The following PHACTR3 variants were observed in gnomAD, a reference collection of about 807,000 sequenced individuals.
PHACTR3 encodes phosphatase and actin regulator 3.
In PHACTR3, 16 loss-of-function variants were observed where a neutral mutation model predicts 66.8. The observed-to-expected ratio is 0.24, with a 90% CI of 0.16 to 0.36. The LOEUF is 0.36. Among genes scored for constraint, PHACTR3 ranks in the 10% least tolerant of loss-of-function variants. PHACTR3 has a pLI of 1.00. For missense variants in PHACTR3, 647 were observed against 719.9 expected, an observed-to-expected ratio of 0.90 and a Z score of 1.16; for synonymous variants, 323 against 292.1, an observed-to-expected ratio of 1.11 and a Z score of -1.08.
chr20:59,616,956 C>T (rs1157240807), intron 1 of PHACTR3, among the ~76,000 whole-genome samples: 1 of 152,122 alleles, frequency 6.6e-6, no homozygotes, highest in Non-Finnish European at 1.5e-5. Context: ...TGGCTTTCCC[C>T]GCTCGCTTCC....
intron 1 of PHACTR3, among the ~76,000 whole-genome samples, chr20:59,671,334 G>A (rs1331515617): frequency 1.3e-5 from 2 of 152,194 alleles, no homozygotes; most frequent in Non-Finnish European, 2.9e-5. Context: ...GCTAGAGTAA[G>A]AGTCGGTTTC....
chr20:59,704,562 C>CTTTTTTTTTTT (rs11331156), intron 1 of PHACTR3, among the ~76,000 whole-genome samples: 4 of 89,474 alleles, frequency 4.5e-5, no homozygotes, highest in Non-Finnish European at 8.8e-5. Flanking sequence ...TGAGAATAGT[C>CTTTTTTTTTTT]TTTTTTTTTT....
At chr20:59,672,679 G>T (rs947985754) in intron 1 of PHACTR3, among the ~76,000 whole-genome samples, 1 of 152,220 alleles carries the variant, frequency 6.6e-6, no homozygotes, top group Admixed American at 6.5e-5. Context: ...TGACTCAGCG[G>T]TGTGGTTCTG....
chr20:59,739,894 G>A (rs1323769477), intron 1 of PHACTR3, among the ~76,000 whole-genome samples: 2 of 152,136 alleles, frequency 1.3e-5, no homozygotes, highest in Non-Finnish European at 1.5e-5. Context: ...GGCCTCTGGA[G>A]TCAGGGTGCT....
chr20:59,828,786 C>G (rs6128706), intron 8 of PHACTR3, among the ~76,000 whole-genome samples: 5,109 of 152,008 alleles, frequency 0.034, 208 homozygotes, highest in African/African-American at 0.1. Flanking sequence ...GGAGTTTGTC[C>G]TGAGGATGGT....
intron 8 of PHACTR3, among the ~76,000 whole-genome samples, chr20:59,827,730 G>A (rs1046311184): frequency 6.6e-6 from 1 of 152,198 alleles, no homozygotes; most frequent in African/African-American, 2.4e-5. Flanking sequence ...CTGCAGGGTG[G>A]GGTTGGGAGG....
intron 8 of PHACTR3, among the ~76,000 whole-genome samples, chr20:59,812,272 G>A (rs551066048): frequency 2.0e-5 from 3 of 152,364 alleles, no homozygotes; most frequent in Admixed American, 2.0e-4. Context: ...ACGTGTGTGA[G>A]AAGCTGATTA....
intron 7 of PHACTR3, among the ~76,000 whole-genome samples, chr20:59,800,281 A>G (rs2041372870): frequency 6.6e-6 from 1 of 152,132 alleles, no homozygotes. Flanking sequence ...TCAGGTTTCT[A>G]TTGGCTATCA....
intron 4 of PHACTR3, among the ~76,000 whole-genome samples, chr20:59,755,957 G>A (rs2039777854): frequency 6.6e-6 from 1 of 152,138 alleles, no homozygotes. Context: ...CTGTTAAATG[G>A]GAAAAGTAAT....
chr20:59,697,650 C>T (rs572967913), intron 1 of PHACTR3, among the ~76,000 whole-genome samples: 1 of 152,104 alleles, frequency 6.6e-6, no homozygotes, highest in South Asian at 2.1e-4. Flanking sequence ...CTAGACAGTG[C>T]ACAAGCTAAG....
intron 9 of PHACTR3, 37 bp from the exon 10 acceptor site, chr20:59,840,332 T>C: frequency 6.3e-7 from 1 of 1,597,810 alleles, no homozygotes; most frequent in Non-Finnish European, 8.5e-7. Context: ...CCTGTTTCTC[T>C]TTGTTATTTT....
At chr20:59,765,710 G>A (rs1244835040) in intron 4 of PHACTR3, among the ~76,000 whole-genome samples, 1 of 152,208 alleles carries the variant, frequency 6.6e-6, no homozygotes, top group Admixed American at 6.5e-5. Context: ...AATTAGGCCT[G>A]TTGTAACACC....
chr20:59,720,797 T>A (rs1338246467), intron 1 of PHACTR3, among the ~76,000 whole-genome samples: 2 of 152,260 alleles, frequency 1.3e-5, no homozygotes, highest in East Asian at 1.9e-4. Context: ...GCTGATTTTT[T>A]AATTTATCTT....
At chr20:59,579,707 T>C (rs1266679232) in intron 1 of PHACTR3, among the ~76,000 whole-genome samples, 1 of 152,240 alleles carries the variant, frequency 6.6e-6, no homozygotes, top group Non-Finnish European at 1.5e-5. Context: ...TTGGAGGCTA[T>C]GGCAGCAGAG....
intron 7 of PHACTR3, among the ~76,000 whole-genome samples, chr20:59,783,223 C>G (rs1416697641): frequency 6.6e-6 from 1 of 152,156 alleles, no homozygotes; most frequent in Non-Finnish European, 1.5e-5. Context: ...CCAGCCACTC[C>G]CTGCACTGAC....
intron 2 of PHACTR3, among the ~76,000 whole-genome samples, chr20:59,744,047 G>C (rs1029984687): frequency 2.6e-5 from 4 of 152,166 alleles, no homozygotes; most frequent in Admixed American, 1.3e-4. Context: ...CCACAGACAG[G>C]GTGGACACAG....
At chr20:59,620,689 TA>T (rs1254286364) in intron 1 of PHACTR3, among the ~76,000 whole-genome samples, 2 of 152,240 alleles carry the variant, frequency 1.3e-5, no homozygotes, top group Non-Finnish European at 2.9e-5. Context: ...GCCTCTGCTC[TA>T]AAGTTAACAC....
intron 12 of PHACTR3, among the ~76,000 whole-genome samples, chr20:59,845,721 ATT>A (rs2059135549): frequency 6.6e-6 from 1 of 152,128 alleles, no homozygotes; most frequent in Non-Finnish European, 1.5e-5. Context: ...AAAGCTGAGT[ATT>A]TGTTTCCTCA....
intron 1 of PHACTR3, among the ~76,000 whole-genome samples, chr20:59,699,205 C>T (rs1466600154): frequency 4.6e-5 from 7 of 152,152 alleles, no homozygotes; most frequent in African/African-American, 1.4e-4. Flanking sequence ...CAGGAGTTGG[C>T]GATGTTGTTT....
Sources: allele counts gnomAD v4.1 joint callset (sites outside exome capture counted in the v4.1 genomes callset), GRCh38; gene constraint gnomAD v4.1.1; transcripts MANE v1.5; gene names NCBI Gene and HGNC (gene_info 2026-07-23, HGNC 2026-07-21).